Variants in PRR5L observed in about 807,000 individuals in gnomAD.
PRR5L encodes the protein proline rich 5 like.
A neutral mutation model predicts 36.4 loss-of-function variants in PRR5L; 21 were observed. The observed-to-expected ratio is 0.58, with a 90% confidence interval of 0.41 to 0.83. The LOEUF (loss-of-function observed/expected upper bound fraction) is 0.83, where lower values mean the gene tolerates loss of function less well. Ranked by LOEUF, PRR5L falls within the 40% of genes least tolerant of loss-of-function variation. PRR5L has a pLI of 0.00. For synonymous variants in PRR5L, 188 were observed against 197.0 expected (o/e 0.95, Z 0.38); for missense variants, 381 against 473.3 (o/e 0.80, Z 1.81).
intron 1 of PRR5L, among the ~76,000 whole-genome samples, chr11:36,333,198 C>G (rs1006522914): frequency 3.9e-5 from 6 of 152,130 alleles, no homozygotes; most frequent in Non-Finnish European, 5.9e-5. Context: ...CTATTGAGAA[C>G]CCATTAGAAT....
At chr11:36,376,332 GGGAGGAGGAGGAAGAGGAGGAGGAGGA>G in intron 1 of PRR5L, 1 of 1,069,440 alleles carries the variant, frequency 9.4e-7, no homozygotes. Flanking sequence ...GGGGAGAAGG[GGGAGGAGGAGGAAGAGGAGGAGGAGGA>G]GGAGGAGGAG....
In PRR5L at chr11:36,309,169, C is replaced by T. The variant is rs554380625; in HGVS notation, c.-126+12731C>T. On this transcript the variant is annotated intron_variant, in intron 1 of 8. Transcript: ENST00000530639. The stretch of plus-strand genomic sequence containing the variant: ...TAAGTATGGCTCAGGGAGGGAAAGA[C>T]TTGGAGTTGTTTTGGTGAGTTTCTT... Among the ~76,000 whole-genome samples the T allele has an allele frequency of 6.6e-5, 10 of 152,280 alleles. 1 individual carries two copies. Among genetic ancestry groups the T allele is most frequent in the African/African-American group, 2.4e-4 (10 of 41,546 alleles).
chr11:36,403,414 T>G, intron 3 of PRR5L, 36 bp downstream of exon 3: 1 of 1,573,634 alleles, frequency 6.4e-7, no homozygotes, highest in Non-Finnish European at 8.7e-7. Flanking sequence ...CATTTTCCCC[T>G]ATAAACCTGA....
intron 3 of PRR5L, among the ~76,000 whole-genome samples, chr11:36,406,405 C>T (rs1364436106): frequency 6.6e-6 from 1 of 152,148 alleles, no homozygotes; most frequent in Non-Finnish European, 1.5e-5. Context: ...ATTCTAGCCA[C>T]ACTATTTTAG....
chr11:36,437,530 C>T (rs1176360751), intron 6 of PRR5L, 54 bp downstream of exon 6: 2 of 1,145,898 alleles, frequency 1.7e-6, no homozygotes, highest in East Asian at 2.4e-5. Flanking sequence ...GTCTTCTCTC[C>T]TGGCCCTTGC....
At chr11:36,453,194 C>CGTTT (rs1433832769) in intron 8 of PRR5L, among the ~76,000 whole-genome samples, 2 of 152,112 alleles carry the variant, frequency 1.3e-5, no homozygotes, top group African/African-American at 4.8e-5. Flanking sequence ...GATGGGATAC[C>CGTTT]GTTTGTCTTT....
Position 36,464,522 on chromosome 11 carries a change from C to T in PRR5L, c.*1786C>T, listed in dbSNP as rs1423053585. On this transcript the variant is annotated 3_prime_UTR_variant, in exon 9 of 9. Coordinates refer to ENST00000530639, the MANE Select transcript of PRR5L (RefSeq NM_001160167.2). ...CTGCTGATCTGCTGAGAGTTTCAAA[C>T]AAACAAAAAAATAATCTCTATGTAT... The T allele has an allele frequency of 1.3e-5, 2 of 152,062 alleles. No homozygotes were observed. Among genetic ancestry groups the T allele is most frequent in the Non-Finnish European group, 2.9e-5 (2 of 67,994 alleles). 9.4% of individuals were successfully genotyped at this position (152,062 alleles called of 1,614,324 possible).
intron 1 of PRR5L, among the ~76,000 whole-genome samples, chr11:36,331,275 A>G (rs1318216428): frequency 6.6e-6 from 1 of 152,200 alleles, no homozygotes; most frequent in East Asian, 1.9e-4. Flanking sequence ...CTCTCTTTTT[A>G]CAAGGCAAGA....
intron 3 of PRR5L, among the ~76,000 whole-genome samples, chr11:36,405,209 G>A (rs1307234443): frequency 2.6e-5 from 4 of 152,178 alleles, no homozygotes; most frequent in African/African-American, 7.2e-5. Context: ...TGAAGCTGGC[G>A]TGGATGCCTG....
chr11:36,387,113 A>G (rs1032373678), intron 1 of PRR5L, among the ~76,000 whole-genome samples: 6 of 152,144 alleles, frequency 3.9e-5, no homozygotes, highest in Non-Finnish European at 7.4e-5. Flanking sequence ...CTTACCCTGT[A>G]TCTGGGTGTG....
chr11:36,430,693 A>G (rs549607682), intron 4 of PRR5L, among the ~76,000 whole-genome samples: 24 of 152,298 alleles, frequency 1.6e-4, no homozygotes, highest in Non-Finnish European at 3.1e-4. Context: ...TGTGTTTATA[A>G]TGATTAATGT....
intron 3 of PRR5L, among the ~76,000 whole-genome samples, chr11:36,403,668 G>A (rs1857849868): frequency 6.6e-6 from 1 of 152,234 alleles, no homozygotes. Flanking sequence ...CATTTATTGT[G>A]CCCTTCCTAA....
At chr11:36,431,831 G>A (rs758705515) in intron 4 of PRR5L, 22 bp from the exon 5 acceptor site, 1 of 1,613,052 alleles carries the variant, frequency 6.2e-7, no homozygotes, top group African/African-American at 1.3e-5. Flanking sequence ...AAATTCTTAT[G>A]TTCTTTGTTC....
In PRR5L at chr11:36,440,663, T is replaced by C. The variant is rs149224661; in HGVS notation, c.444+3187T>C. On this transcript the variant is annotated intron_variant, in intron 6 of 8. Transcript: ENST00000530639. The stretch of plus-strand genomic sequence containing the variant: ...GCTCATGACTGACTGTGTTAGTCTG[T>C]TTGTGTTGCTATAAAGGAATACCCG... Among the ~76,000 whole-genome samples the C allele has an allele frequency of 7.3e-3, 1,116 of 152,222 alleles. 12 individuals are homozygous for C. The highest frequency in any genetic ancestry group is 0.026 in the African/African-American group (1,060 of 41,516).
chr11:36,331,592 A>G (rs1856719785), intron 1 of PRR5L, among the ~76,000 whole-genome samples: 1 of 152,262 alleles, frequency 6.6e-6, no homozygotes, highest in Admixed American at 6.5e-5. Flanking sequence ...CTAAGAGCAG[A>G]ACAATAATCC....
At chr11:36,404,280 T>TTG in intron 3 of PRR5L, among the ~76,000 whole-genome samples, 1 of 150,650 alleles carries the variant, frequency 6.6e-6, no homozygotes, top group African/African-American at 2.5e-5. Flanking sequence ...TTTTTTTTTT[T>TTG]TTTTTTTTTT....
At chr11:36,383,048 A>G (rs7109932) in intron 1 of PRR5L, among the ~76,000 whole-genome samples, 87,068 of 151,992 alleles carry the variant, frequency 0.57, 25,858 homozygotes, top group Non-Finnish European at 0.66. Context: ...CTCCATAGCT[A>G]TGGGACCACA....
Position 36,428,535 on chromosome 11 carries a change from G to A in PRR5L, c.295-3318G>A, listed in dbSNP as rs146164922. Reference sequence around the variant, plus strand: ...TGGATGGGCACAGCTCCATTGGGTGGATGGCAGTGGTTCCCCAGTGAAGAG... The same window carrying A: ...TGGATGGGCACAGCTCCATTGGGTGAATGGCAGTGGTTCCCCAGTGAAGAG... On this transcript the variant is annotated intron_variant, in intron 4 of 8. Coordinates refer to ENST00000530639, the MANE Select transcript of PRR5L (RefSeq NM_001160167.2). Among the ~76,000 whole-genome samples the A allele has an allele frequency of 9.7e-4, 148 of 152,254 alleles. 2 individuals carry two copies. The East Asian group carries it at 0.021, about 22-fold the overall frequency.
chr11:36,457,699 T>C (rs1859092987), intron 8 of PRR5L, among the ~76,000 whole-genome samples: 1 of 151,994 alleles, frequency 6.6e-6, no homozygotes, highest in Admixed American at 6.5e-5. Flanking sequence ...TCTTTGACCC[T>C]CCCCTTTGCA....
Sources: allele counts gnomAD v4.1 joint callset (sites outside exome capture counted in the v4.1 genomes callset), GRCh38; gene constraint gnomAD v4.1.1; transcripts MANE v1.5; gene names NCBI Gene and HGNC (gene_info 2026-07-23, HGNC 2026-07-21).